The following CNTNAP3B variants were observed in gnomAD, a reference collection of about 807,000 sequenced individuals.
CNTNAP3B encodes contactin-associated protein-like 3B.
CNTNAP3B carries 25 observed loss-of-function variants against 108.9 expected under a neutral mutation model. The observed-to-expected ratio is 0.23, with a 90% confidence interval of 0.17 to 0.32. CNTNAP3B has a LOEUF of 0.32. Ranked by LOEUF, CNTNAP3B falls within the 10% of genes least tolerant of loss-of-function variation. The pLI, the probability that CNTNAP3B is intolerant of heterozygous loss-of-function variation, is 1.00. For missense variants in CNTNAP3B, 252 were observed against 1,210.4 expected, an observed-to-expected ratio of 0.21 and a Z score of 11.75; for synonymous variants, 103 against 473.4, an observed-to-expected ratio of 0.22 and a Z score of 10.16.
chr9:41,940,794 G>A (rs1271118379), intron 13 of CNTNAP3B, among the ~76,000 whole-genome samples: 1 of 152,068 alleles, frequency 6.6e-6, no homozygotes. Context: ...CAGCCAGGGC[G>A]ACAGAGTGAG....
Position 42,096,145 on chromosome 9 carries a change from T to C in CNTNAP3B, c.196+8484A>G, listed in dbSNP as rs569226158. Among the ~76,000 whole-genome samples the C allele has an allele frequency of 1.6e-3, 219 of 139,960 alleles. 48 individuals are homozygous for C. The highest frequency in any genetic ancestry group is 5.6e-3 in the African/African-American group (200 of 35,400). 91.8% of individuals were successfully genotyped at this position (139,960 alleles called of 152,430 possible). On this transcript the variant is annotated intron_variant, in intron 2 of 23. Transcript: ENST00000377561. Reference sequence around the variant, plus strand: ...TGTCACTGAATGTGCCGCAGCACAATGAGGATGCTGTGCAGGCTGCTCTTG... The same window carrying C: ...TGTCACTGAATGTGCCGCAGCACAACGAGGATGCTGTGCAGGCTGCTCTTG...
intron 13 of CNTNAP3B, among the ~76,000 whole-genome samples, chr9:41,940,179 A>T (rs1222956983): frequency 6.6e-6 from 1 of 152,304 alleles, no homozygotes; most frequent in Non-Finnish European, 1.5e-5. Context: ...GTGCTGAAAG[A>T]GTACTGAAAA....
intron 4 of CNTNAP3B, among the ~76,000 whole-genome samples, chr9:42,003,076 T>A (rs574435682): frequency 7.5e-6 from 1 of 133,746 alleles, no homozygotes; most frequent in Non-Finnish European, 1.6e-5. Flanking sequence ...TTTCTAGAGA[T>A]GGGGGTCTCA....
In CNTNAP3B at chr9:42,111,166, A is replaced by G; in HGVS notation, c.86-6427T>C. On this transcript the variant is annotated intron_variant, in intron 1 of 23. Coordinates refer to ENST00000377561, the MANE Select transcript of CNTNAP3B (RefSeq NM_001201380.3). ...AAGGACTGGTTCCAGGATGGTCAGG[A>G]AGCCCACGCTGAATGAATGGGAACA... 1.4e-5 allele frequency among the ~76,000 whole-genome samples: 2 copies of G among 139,138 alleles called. 1 individual carries two copies. The highest frequency in any genetic ancestry group is 1.4e-4 in the Admixed American group (2 of 13,932). 91.3% of individuals were successfully genotyped at this position (139,138 alleles called of 152,430 possible).
intron 14 of CNTNAP3B, among the ~76,000 whole-genome samples, chr9:41,937,016 C>T (rs895405119): frequency 5.3e-5 from 8 of 152,054 alleles, no homozygotes; most frequent in African/African-American, 1.9e-4. Flanking sequence ...CCAAACAACT[C>T]AATTTTTAGG....
In CNTNAP3B at chr9:41,924,049, G is replaced by T. The variant is rs1187152402; in HGVS notation, c.2410C>A (p.Leu804Ile). 6.2e-7 allele frequency: 1 copy of T among 1,611,964 alleles called. No homozygotes were observed. Among genetic ancestry groups the T allele is most frequent in the South Asian group, 1.1e-5 (1 of 91,002 alleles). ...TCTCCGTGGAAAGCAGGGAAATGAA[G>T]GTATGAAGTCTCAGTGTTGAAGGAA... ...SASFNTETSYLHFPAFHGELT... is the reference protein window; with the variant it reads ...SASFNTETSYIHFPAFHGELT... The change falls in exon 16 of 24, where the codon CTT becomes ATT. Residue 804 changes from leucine (L) to isoleucine (I), a missense_variant. Physicochemically the swap from Leu to Ile is conservative, Grantham distance 5. Transcript: ENST00000377561.
chr9:41,939,594 T>A (rs1409452369), intron 13 of CNTNAP3B, among the ~76,000 whole-genome samples: 14 of 152,394 alleles, frequency 9.2e-5, no homozygotes, highest in Non-Finnish European at 1.9e-4. Context: ...AGCTTGTCAC[T>A]ACAACGTAAA....
rs866628023 is a variant in CNTNAP3B at position 42,038,559 on chromosome 9, C to G, written c.391-25034G>C. Reference sequence around the variant, plus strand: ...GGCCATTACATAACGGTAAAGGGACCAATTCAACAAGAACAGCTAACTATC... The same window carrying G: ...GGCCATTACATAACGGTAAAGGGACGAATTCAACAAGAACAGCTAACTATC... On this transcript the variant is annotated intron_variant, in intron 3 of 23. Coordinates refer to ENST00000377561, the MANE Select transcript of CNTNAP3B (RefSeq NM_001201380.3). Among the ~76,000 whole-genome samples the G allele has an allele frequency of 2.4e-5, 3 of 123,078 alleles. No individual in the cohort carries two copies. The South Asian group carries it at 7.8e-4, about 32-fold the overall frequency. The allele number at this position is 123,078 out of a possible 152,430, so 80.7% of individuals were successfully genotyped here.
At position 41,977,783 on chromosome 9, in the gene CNTNAP3B, C is replaced by T. The variant is rs1441639711; in HGVS notation, c.1478-7538G>A. On this transcript the variant is annotated intron_variant, in intron 9 of 23. Transcript: ENST00000377561. ...TACAGGCGCCCACCACCATGCCCAGCTAATTTTTTTTTTTTTTTTTTGTAT... is the reference window on the plus strand; with the variant it reads ...TACAGGCGCCCACCACCATGCCCAGTTAATTTTTTTTTTTTTTTTTTGTAT... 4.4e-4 allele frequency among the ~76,000 whole-genome samples: 14 copies of T among 32,082 alleles called. 1 individual carries two copies. Among genetic ancestry groups the T allele is most frequent in the African/African-American group, 1.2e-4 (1 of 8,382 alleles). 21.0% of individuals were successfully genotyped at this position (32,082 alleles called of 152,430 possible). A position where few individuals can be genotyped will look rare whatever the true frequency, so the allele number is the denominator to read the frequency against.
intron 11 of CNTNAP3B, among the ~76,000 whole-genome samples, 159 bp from the exon 12 acceptor site, chr9:41,961,051 T>C: frequency 6.6e-6 from 1 of 152,304 alleles, no homozygotes; most frequent in Non-Finnish European, 1.5e-5. Context: ...GCAAGAAAAA[T>C]GACATTTAAA....
rs1037661763 is a variant in CNTNAP3B at position 42,034,178 on chromosome 9, G to C, written c.391-20653C>G. Among the ~76,000 whole-genome samples the C allele has an allele frequency of 1.1e-3, 71 of 64,554 alleles. 8 individuals carry two copies. Among genetic ancestry groups the C allele is most frequent in the African/African-American group, 3.6e-3 (70 of 19,242 alleles). 42.3% of individuals were successfully genotyped at this position (64,554 alleles called of 152,430 possible). On this transcript the variant is annotated intron_variant, in intron 3 of 23. Coordinates refer to ENST00000377561, the MANE Select transcript of CNTNAP3B (RefSeq NM_001201380.3). Reference sequence around the variant, plus strand: ...TACCTATTTATCTATATGTATGTATGTATATATGTATCTATCTATCTATCT... The same window carrying C: ...TACCTATTTATCTATATGTATGTATCTATATATGTATCTATCTATCTATCT...
chr9:42,058,464 T>C (rs1827121469), intron 3 of CNTNAP3B, among the ~76,000 whole-genome samples: 1 of 142,736 alleles, frequency 7.0e-6, no homozygotes, highest in Non-Finnish European at 1.5e-5. Flanking sequence ...CCCGATGATT[T>C]GTGATATTGA....
In CNTNAP3B at chr9:41,913,528, T is replaced by C. The variant is rs1368213626; in HGVS notation, c.2996-4747A>G. On this transcript the variant is annotated intron_variant, in intron 18 of 23. Coordinates refer to ENST00000377561, the MANE Select transcript of CNTNAP3B (RefSeq NM_001201380.3). ...ATACTTTGGGGTAAAATATATATAA[T>C]ATATAATTTGCCACTTAACCATTTA... is the stretch of plus-strand genomic sequence containing the variant. 3.4e-5 allele frequency among the ~76,000 whole-genome samples: 5 copies of C among 146,552 alleles called. No individual in the cohort carries two copies. The East Asian group carries it at 9.8e-4, about 29-fold the overall frequency.
rs1479254730 is a variant in CNTNAP3B, at chr9:42,122,378, C to G, written c.85+6632G>C. Among the ~76,000 whole-genome samples the G allele has an allele frequency of 1.5e-5, 2 of 135,994 alleles. 1 individual carries two copies. The highest frequency in any genetic ancestry group is 5.9e-5 in the African/African-American group (2 of 34,100). 89.2% of individuals were successfully genotyped at this position (135,994 alleles called of 152,430 possible). On this transcript the variant is annotated intron_variant, in intron 1 of 23. Coordinates refer to ENST00000377561, the MANE Select transcript of CNTNAP3B (RefSeq NM_001201380.3). ...GCAACATCATTTTCTATTGAGGAAC[C>G]CAAAACTTTCCTAACTTTTACAAAT...
At chr9:41,919,551 T>C (rs1823612363) in intron 18 of CNTNAP3B, among the ~76,000 whole-genome samples, 1 of 152,312 alleles carries the variant, frequency 6.6e-6, no homozygotes, top group East Asian at 1.9e-4. Context: ...AAATATTCTT[T>C]TCCCCTTCTA....
chr9:41,962,729 G>A (rs1355282431), intron 11 of CNTNAP3B, among the ~76,000 whole-genome samples: 2 of 150,830 alleles, frequency 1.3e-5, no homozygotes, highest in Non-Finnish European at 2.9e-5. Flanking sequence ...TCCAAGGCAG[G>A]TGGATCACAA....
chr9:41,925,607 A>G (rs551612637), intron 15 of CNTNAP3B, among the ~76,000 whole-genome samples: 16 of 152,178 alleles, frequency 1.1e-4, no homozygotes, highest in Non-Finnish European at 1.8e-4. Flanking sequence ...ACAAACAAAC[A>G]AACAAACCAA....
At chr9:41,928,325 T>C (rs1051307646) in intron 15 of CNTNAP3B, among the ~76,000 whole-genome samples, 9 of 152,162 alleles carry the variant, frequency 5.9e-5, no homozygotes, top group South Asian at 2.1e-4. Context: ...CACAATCCAT[T>C]GGCCCAGGTG....
chr9:42,066,171 C>T (rs1203282327), intron 3 of CNTNAP3B, among the ~76,000 whole-genome samples: 5 of 137,222 alleles, frequency 3.6e-5, no homozygotes, highest in Non-Finnish European at 7.8e-5. Flanking sequence ...ACTGAGTCTT[C>T]ATATCCATAA....
Sources: allele counts gnomAD v4.1 joint callset (sites outside exome capture counted in the v4.1 genomes callset), GRCh38; gene constraint gnomAD v4.1.1; transcripts MANE v1.5; gene names NCBI Gene and HGNC (gene_info 2026-07-23, HGNC 2026-07-21).